RORA: variants seen among roughly 807,000 people sequenced by gnomAD.
RORA encodes the protein RAR related orphan receptor A, also known as nuclear receptor ROR-alpha.
In RORA, 7 loss-of-function variants were observed where a neutral mutation model predicts 69.5. The observed-to-expected ratio is 0.10, with a 90% CI of 0.06 to 0.19. RORA has a LOEUF of 0.19. Among genes scored for constraint, RORA ranks in the 10% least tolerant of loss-of-function variants. The pLI is 1.00. For missense variants in RORA, 457 were observed against 663.0 expected (o/e 0.69, Z 3.41); for synonymous variants, 261 against 240.8 (o/e 1.08, Z -0.78).
chr15:60,767,670 T>C (rs1404507949), intron 1 of RORA, among the ~76,000 whole-genome samples: 1 of 152,224 alleles, frequency 6.6e-6, no homozygotes, highest in African/African-American at 2.4e-5. Context: ...GTACCCGAGG[T>C]ATTCTTGGTC....
chr15:60,545,952 G>T (rs1379877208), intron 2 of RORA, among the ~76,000 whole-genome samples: 1 of 152,178 alleles, frequency 6.6e-6, no homozygotes, highest in Non-Finnish European at 1.5e-5. Context: ...GCTTAAAGAG[G>T]CTTTAAGGAA....
intron 2 of RORA, among the ~76,000 whole-genome samples, chr15:60,583,714 T>A (rs945596731): frequency 4.6e-5 from 7 of 152,174 alleles, no homozygotes; most frequent in African/African-American, 1.7e-4. Flanking sequence ...AGGCCAAAGT[T>A]AACAGAAAAA....
chr15:61,206,602 C>T (rs765560086), intron 1 of RORA, among the ~76,000 whole-genome samples: 8 of 152,156 alleles, frequency 5.3e-5, no homozygotes, highest in Non-Finnish European at 8.8e-5. Context: ...CCCCGACCAC[C>T]AAACAAGATA....
chr15:60,595,776 T>C (rs1329693184), intron 2 of RORA, among the ~76,000 whole-genome samples: 1 of 151,954 alleles, frequency 6.6e-6, no homozygotes, highest in East Asian at 1.9e-4. Context: ...TTGTTATATA[T>C]TAATTTGCAG....
intron 1 of RORA, among the ~76,000 whole-genome samples, chr15:60,752,050 A>G (rs2071730644): frequency 6.6e-6 from 1 of 152,068 alleles, no homozygotes; most frequent in African/African-American, 2.4e-5. Flanking sequence ...GGAGGTGGAG[A>G]AGGATCATCC....
At chr15:60,549,406 C>T (rs1034034453) in intron 2 of RORA, among the ~76,000 whole-genome samples, 1 of 152,150 alleles carries the variant, frequency 6.6e-6, no homozygotes, top group Non-Finnish European at 1.5e-5. Context: ...CAAGGCATCA[C>T]GGAATAGGCT....
At chr15:60,851,160 A>G (rs1471908640) in intron 1 of RORA, among the ~76,000 whole-genome samples, 1 of 152,206 alleles carries the variant, frequency 6.6e-6, no homozygotes, top group East Asian at 1.9e-4. Context: ...ATGTACATAT[A>G]CACACATAAA....
intron 1 of RORA, among the ~76,000 whole-genome samples, chr15:60,970,357 C>A (rs929703655): frequency 1.3e-5 from 2 of 152,160 alleles, no homozygotes; most frequent in African/African-American, 2.4e-5. Flanking sequence ...TCAAACACAC[C>A]CTGTACATTC....
intron 2 of RORA, among the ~76,000 whole-genome samples, chr15:60,579,022 C>T (rs1031142106): frequency 2.0e-5 from 3 of 150,812 alleles, no homozygotes; most frequent in Non-Finnish European, 4.4e-5. Flanking sequence ...CTGCCTCGGC[C>T]TCTCAAAGTG....
At chr15:60,607,104 G>A (rs1236965978) in intron 2 of RORA, among the ~76,000 whole-genome samples, 6 of 152,150 alleles carry the variant, frequency 3.9e-5, no homozygotes, top group Admixed American at 3.9e-4. Context: ...AATAAATATT[G>A]AAGGAAGAGA....
At chr15:60,703,213 A>G (rs1196904882) in intron 1 of RORA, among the ~76,000 whole-genome samples, 1 of 152,056 alleles carries the variant, frequency 6.6e-6, no homozygotes, top group Non-Finnish European at 1.5e-5. Flanking sequence ...TATATTGACA[A>G]GATAAATCTA....
chr15:60,691,479 T>C (rs2070824614), intron 1 of RORA, among the ~76,000 whole-genome samples: 1 of 152,152 alleles, frequency 6.6e-6, no homozygotes, highest in African/African-American at 2.4e-5. Flanking sequence ...GTGAATGAAG[T>C]TGACTCCCCA....
At chr15:60,515,461 A>C (rs1417961300) in intron 3 of RORA, among the ~76,000 whole-genome samples, 1 of 152,194 alleles carries the variant, frequency 6.6e-6, no homozygotes, top group African/African-American at 2.4e-5. Flanking sequence ...TGTTTGGGAA[A>C]TGAGAGGGGA....
chr15:60,940,938 T>C (rs1427618928), intron 1 of RORA, among the ~76,000 whole-genome samples: 1 of 152,044 alleles, frequency 6.6e-6, no homozygotes, highest in Non-Finnish European at 1.5e-5. Context: ...AATAAATAAA[T>C]AAATAATCAT....
intron 2 of RORA, among the ~76,000 whole-genome samples, chr15:60,588,582 A>G (rs78774655): frequency 0.012 from 1,869 of 152,270 alleles, 44 homozygotes; most frequent in African/African-American, 0.043. Flanking sequence ...GTGCTTTGCA[A>G]TTATCACCTT....
chr15:60,765,344 A>G (rs1194020369), intron 1 of RORA: 1 of 151,964 alleles, frequency 6.6e-6, no homozygotes, highest in Non-Finnish European at 1.5e-5. Context: ...CTTGAGATCA[A>G]CTCAGAATCA....
intron 1 of RORA, among the ~76,000 whole-genome samples, chr15:61,029,381 C>A (rs17270752): frequency 0.069 from 10,478 of 152,124 alleles, 499 homozygotes; most frequent in Non-Finnish European, 0.094. Context: ...CACACAGGGC[C>A]CTGCCAGCCA....
chr15:60,822,930 A>C lies in RORA; in HGVS notation c.167-144244T>G, dbSNP rs148898447. On this transcript the variant is annotated intron_variant, in intron 1 of 10. Coordinates refer to ENST00000335670, the MANE Select transcript of RORA (RefSeq NM_134261.3). ...TCACCTGGAAACGTGTTAGAATCCA[A>C]ATTCTACATTAGGTACCCTTCATTA... Among the ~76,000 whole-genome samples the C allele has an allele frequency of 5.0e-4, 76 of 152,120 alleles. No individual in the cohort carries two copies. In the East Asian group the frequency reaches 9.7e-3, roughly 19 times the overall value.
chr15:60,616,288 G>T, intron 2 of RORA, among the ~76,000 whole-genome samples: 1 of 152,110 alleles, frequency 6.6e-6, no homozygotes, highest in South Asian at 2.1e-4. Context: ...GCTCAGGGTG[G>T]TGCTATGACG....
Sources: allele counts gnomAD v4.1 joint callset (sites outside exome capture counted in the v4.1 genomes callset), GRCh38; gene constraint gnomAD v4.1.1; transcripts MANE v1.5; gene names NCBI Gene and HGNC (gene_info 2026-07-23, HGNC 2026-07-21).